The following GALNTL6 variants were observed in gnomAD, a reference collection of about 807,000 sequenced individuals.
GALNTL6 encodes the protein polypeptide N-acetylgalactosaminyltransferase-like 6.
Under a neutral mutation model 73.7 loss-of-function variants are expected in GALNTL6, and 46 were observed. The observed-to-expected ratio is 0.62, with a 90% confidence interval of 0.49 to 0.80. The LOEUF is 0.80. Ranked by LOEUF, GALNTL6 falls within the 30% of genes least tolerant of loss-of-function variation. GALNTL6 has a pLI of 0.00. For missense variants in GALNTL6, 604 were observed against 755.0 expected, an observed-to-expected ratio of 0.80 and a Z score of 2.34; for synonymous variants, 259 against 263.7, an observed-to-expected ratio of 0.98 and a Z score of 0.17.
chr4:172,152,448 C>T (rs1231105211), intron 2 of GALNTL6, among the ~76,000 whole-genome samples: 2 of 152,170 alleles, frequency 1.3e-5, no homozygotes, highest in Non-Finnish European at 2.9e-5. Flanking sequence ...GATTGCATAG[C>T]TGTCATGCCC....
chr4:172,110,586 T>A (rs1358125490), intron 2 of GALNTL6, among the ~76,000 whole-genome samples: 1 of 152,162 alleles, frequency 6.6e-6, no homozygotes, highest in African/African-American at 2.4e-5. Flanking sequence ...AATCTAACCT[T>A]ACAAAAGCTG....
At chr4:171,915,497 T>G (rs1737591521) in intron 2 of GALNTL6, among the ~76,000 whole-genome samples, 1 of 152,196 alleles carries the variant, frequency 6.6e-6, no homozygotes. Context: ...TTTTTTATCT[T>G]TTAGTTTTGA....
In GALNTL6 at chr4:172,510,067, C is replaced by T. The variant is rs1238523461; in HGVS notation, c.553+161378C>T. ...TTTTCACAATATTGATTCTTCCCAT[C>T]CATGAGCATGGGATGTGTTTCCATT... On this transcript the variant is annotated intron_variant, in intron 5 of 12. Coordinates refer to ENST00000506823, the MANE Select transcript of GALNTL6 (RefSeq NM_001034845.3). Among the ~76,000 whole-genome samples, 28 of 55,106 alleles carry T rather than the reference C, an allele frequency of 5.1e-4. 9 individuals carry two copies. Among genetic ancestry groups the T allele is most frequent in the African/African-American group, 1.1e-3 (25 of 21,970 alleles). The allele number at this position is 55,106 out of a possible 152,430, so 36.2% of individuals were successfully genotyped here. A position where few individuals can be genotyped will look rare whatever the true frequency, so the allele number is the denominator to read the frequency against.
At chr4:171,995,112 A>T (rs1740448989) in intron 2 of GALNTL6, among the ~76,000 whole-genome samples, 1 of 151,974 alleles carries the variant, frequency 6.6e-6, no homozygotes. Flanking sequence ...ACAATAGTAA[A>T]ATGCATATTA....
chr4:172,169,267 G>A (rs1446442424), intron 2 of GALNTL6, among the ~76,000 whole-genome samples: 1 of 152,142 alleles, frequency 6.6e-6, no homozygotes, highest in African/African-American at 2.4e-5. Flanking sequence ...AGGAAGAAGA[G>A]GACTGTTACC....
At chr4:172,909,867 T>C (rs1747107138) in intron 8 of GALNTL6, among the ~76,000 whole-genome samples, 1 of 151,950 alleles carries the variant, frequency 6.6e-6, no homozygotes. Context: ...ATGGAAAAAA[T>C]GGAAAACACT....
At chr4:172,002,827 A>G (rs1740718007) in intron 2 of GALNTL6, among the ~76,000 whole-genome samples, 1 of 152,134 alleles carries the variant, frequency 6.6e-6, no homozygotes, top group African/African-American at 2.4e-5. Flanking sequence ...CTCCCACAGA[A>G]CACGTGTTAT....
intron 5 of GALNTL6, among the ~76,000 whole-genome samples, chr4:172,685,070 C>G (rs1193453704): frequency 2.0e-5 from 3 of 152,022 alleles, no homozygotes; most frequent in Non-Finnish European, 4.4e-5. Context: ...ATTAAGCATT[C>G]TATTACTTGA....
At chr4:172,343,543 A>G (rs1392714838) in intron 4 of GALNTL6, among the ~76,000 whole-genome samples, 3 of 152,170 alleles carry the variant, frequency 2.0e-5, no homozygotes, top group Non-Finnish European at 4.4e-5. Context: ...ACTTATTTTA[A>G]TAAAATCAAT....
At chr4:172,047,724 CTATT>C (rs1398860719) in intron 2 of GALNTL6, among the ~76,000 whole-genome samples, 1 of 151,838 alleles carries the variant, frequency 6.6e-6, no homozygotes, top group Admixed American at 6.6e-5. Flanking sequence ...AGTTAGTTCT[CTATT>C]TAAGGAAACA....
Position 173,040,712 on chromosome 4 carries a change from A to G in GALNTL6, c.*612A>G, listed in dbSNP as rs1753864795. The G allele has an allele frequency of 6.6e-6, 1 of 152,604 alleles. No individual in the cohort carries two copies. Among genetic ancestry groups the G allele is most frequent in the Non-Finnish European group, 1.5e-5 (1 of 68,036 alleles). 9.5% of individuals were successfully genotyped at this position (152,604 alleles called of 1,614,324 possible). ...AAATTACATAATGAAATGGACATCC[A>G]GTGTTCCCATTCTTTCGTTTATATT... is the stretch of plus-strand genomic sequence containing the variant. On this transcript the variant is annotated 3_prime_UTR_variant, in exon 13 of 13. Transcript: ENST00000506823.
intron 5 of GALNTL6, among the ~76,000 whole-genome samples, chr4:172,433,361 C>A (rs983478668): frequency 1.3e-5 from 2 of 151,996 alleles, no homozygotes; most frequent in African/African-American, 4.8e-5. Context: ...CACCCTCAGC[C>A]CCCCGCCTGC....
intron 10 of GALNTL6, among the ~76,000 whole-genome samples, chr4:172,962,830 T>C (rs1750145077): frequency 6.6e-6 from 1 of 152,136 alleles, no homozygotes; most frequent in South Asian, 2.1e-4. Context: ...ATAAACAGCC[T>C]ATAAACCGCC....
At chr4:173,018,060 G>T (rs1752852070) in intron 11 of GALNTL6, among the ~76,000 whole-genome samples, 1 of 152,194 alleles carries the variant, frequency 6.6e-6, no homozygotes, top group South Asian at 2.1e-4. Flanking sequence ...GGCCTTCTGA[G>T]TGTATAAAAA....
intron 5 of GALNTL6, among the ~76,000 whole-genome samples, chr4:172,525,737 C>T (rs1240647898): frequency 1.3e-5 from 2 of 152,076 alleles, no homozygotes; most frequent in Non-Finnish European, 2.9e-5. Flanking sequence ...CTGGCACGCA[C>T]CTGTGGTCCC....
intron 5 of GALNTL6, among the ~76,000 whole-genome samples, chr4:172,784,839 A>T (rs1401918561): frequency 3.3e-5 from 5 of 152,194 alleles, no homozygotes; most frequent in Non-Finnish European, 5.9e-5. Context: ...TCACAAACAT[A>T]ATTGGGAATG....
intron 2 of GALNTL6, among the ~76,000 whole-genome samples, chr4:171,913,598 T>A (rs1380563665): frequency 6.6e-6 from 1 of 152,160 alleles, no homozygotes; most frequent in Non-Finnish European, 1.5e-5. Context: ...TTGTTTTTAA[T>A]AATCAGAAAA....
intron 2 of GALNTL6, among the ~76,000 whole-genome samples, chr4:172,228,696 A>G (rs1408479208): frequency 3.3e-5 from 5 of 152,146 alleles, no homozygotes; most frequent in Non-Finnish European, 7.4e-5. Context: ...CTTATTTCTG[A>G]AAAAGAACAA....
intron 2 of GALNTL6, among the ~76,000 whole-genome samples, chr4:172,003,471 G>T (rs1740738678): frequency 6.6e-6 from 1 of 152,076 alleles, no homozygotes; most frequent in South Asian, 2.1e-4. Flanking sequence ...TCATGATGCT[G>T]TTCCTCACGT....
Sources: allele counts gnomAD v4.1 joint callset (sites outside exome capture counted in the v4.1 genomes callset), GRCh38; gene constraint gnomAD v4.1.1; transcripts MANE v1.5; gene names NCBI Gene and HGNC (gene_info 2026-07-23, HGNC 2026-07-21).